SPRED1: variants seen among roughly 807,000 people sequenced by gnomAD.
SPRED1 encodes sprouty-related, EVH1 domain-containing protein 1.
Under a neutral mutation model 52.3 loss-of-function variants are expected in SPRED1, and 18 were observed. The ratio of observed to expected loss-of-function variants is 0.34; its 90% CI spans 0.24 to 0.51. SPRED1 has a LOEUF of 0.51. Ranked by LOEUF, SPRED1 falls within the 20% of genes least tolerant of loss-of-function variation. The probability of loss-of-function intolerance (pLI) is 0.97; values close to 1 mark genes in which losing one functional copy is unlikely to be tolerated. For missense variants in SPRED1, 485 were observed against 551.0 expected, an observed-to-expected ratio of 0.88 and a Z score of 1.20; for synonymous variants, 155 against 179.7, an observed-to-expected ratio of 0.86 and a Z score of 1.10.
chr15:38,310,020 A>G (rs1735061380), intron 2 of SPRED1, among the ~76,000 whole-genome samples: 1 of 152,124 alleles, frequency 6.6e-6, no homozygotes, highest in Admixed American at 6.5e-5. Flanking sequence ...TTCCTAATAC[A>G]GAGTAGAATG....
In SPRED1 at chr15:38,347,485, T is replaced by TC. The variant is rs1555392483; in HGVS notation, c.583-1936dup. Among the ~76,000 whole-genome samples the TC allele has an allele frequency of 1.9e-3, 174 of 94,044 alleles. 1 individual carries two copies. Among genetic ancestry groups the TC allele is most frequent in the African/African-American group, 6.1e-3 (161 of 26,476 alleles). 61.7% of individuals were successfully genotyped at this position (94,044 alleles called of 152,430 possible). A position where few individuals can be genotyped will look rare whatever the true frequency, so the allele number is the denominator to read the frequency against. On this transcript the variant is annotated intron_variant, in intron 5 of 6. Transcript: ENST00000299084. ...TCTTTTTTTTTTTTTTTTTTTTTTT[T>TC]CAATTTGGCTGTTTGCCCTTTTAAA...
chr15:38,268,161 G>C (rs546634517), intron 1 of SPRED1: 2 of 152,204 alleles, frequency 1.3e-5, no homozygotes, highest in South Asian at 4.1e-4. Context: ...AACATTTGCT[G>C]TCTCTACTCT....
chr15:38,267,680 G>A (rs1385608391), intron 1 of SPRED1, among the ~76,000 whole-genome samples: 2 of 152,128 alleles, frequency 1.3e-5, no homozygotes, highest in Admixed American at 1.3e-4. Flanking sequence ...AACCATGTAA[G>A]TGTTTGTTAT....
Position 38,261,893 on chromosome 15 carries a change from A to G in SPRED1, c.32+8676A>G, listed in dbSNP as rs201383572. ...CGTGGCAGGATTGCCAAAAATTTAG[A>G]TAAAATTTAGTGAGTTGTGTCTTTT... On this transcript the variant is annotated intron_variant, in intron 1 of 6. Transcript: ENST00000299084. Among the ~76,000 whole-genome samples, 7 of 152,174 alleles carry G rather than the reference A, an allele frequency of 4.6e-5. No homozygotes were observed. In the East Asian group the frequency reaches 1.3e-3, roughly 29 times the overall value.
At position 38,299,393 on chromosome 15, in the gene SPRED1, G is replaced by A. The variant is rs758855467; in HGVS notation, c.53G>A (p.Arg18Gln). 8 of 1,613,694 alleles carry A rather than the reference G, an allele frequency of 5.0e-6. No individual in the cohort carries two copies. The highest frequency in any genetic ancestry group is 5.9e-6 in the Non-Finnish European group (7 of 1,179,868). The change falls in exon 2 of 7, where the codon CGA becomes CAA. Residue 18 changes from arginine to glutamine, a missense_variant. By Grantham distance (43) the Arg-to-Gln change is conservative. This residue lies in a region of SPRED1 where 34 missense variants were observed against 25.8 expected (regional missense o/e 1.32). Coordinates refer to ENST00000299084, the MANE Select transcript of SPRED1 (RefSeq NM_152594.3). The part of the protein sequence containing the change: ...SDNDNSYARV[R>Q]AVVMTRDDSS... ...TTTAGTAATAGTTATGCACGAGTGC[G>A]AGCTGTGGTGATGACCCGAGATGAC...
In SPRED1 at chr15:38,299,556, T is replaced by C; in HGVS notation, c.207+9T>C. On this transcript the variant is annotated intron_variant, in intron 2 of 6. Coordinates refer to ENST00000299084, the MANE Select transcript of SPRED1 (RefSeq NM_152594.3). ...GACTCAGGGACAAAATGGTAATGAA[T>C]AATGTATCTAATACTATAATTTTAG... The C allele has an allele frequency of 6.2e-7, 1 of 1,610,100 alleles. No individual in the cohort carries two copies. Among genetic ancestry groups the C allele is most frequent in the Non-Finnish European group, 8.5e-7 (1 of 1,176,556 alleles).
chr15:38,318,696 G>A (rs887495198), intron 2 of SPRED1, among the ~76,000 whole-genome samples: 6 of 151,998 alleles, frequency 3.9e-5, no homozygotes, highest in Non-Finnish European at 8.8e-5. Context: ...TTTGGCTTTC[G>A]GTTCCTACAT....
chr15:38,291,619 G>C (rs1336513714), intron 1 of SPRED1, among the ~76,000 whole-genome samples: 1 of 152,186 alleles, frequency 6.6e-6, no homozygotes, highest in Non-Finnish European at 1.5e-5. Context: ...CTTGACTTCT[G>C]TGCACCCACA....
At chr15:38,336,929 A>G (rs569946397) in intron 4 of SPRED1, among the ~76,000 whole-genome samples, 152 of 152,284 alleles carry the variant, frequency 1.0e-3, no homozygotes, top group African/African-American at 3.4e-3. Flanking sequence ...CAAAAAAACT[A>G]GTGAAATAAA....
chr15:38,259,446 G>GT (rs1455585032), intron 1 of SPRED1, among the ~76,000 whole-genome samples: 2 of 152,062 alleles, frequency 1.3e-5, no homozygotes, highest in Admixed American at 1.3e-4. Flanking sequence ...TGGTGATCGG[G>GT]TCCTGCCCAG....
rs577839722 is a variant in SPRED1, at chr15:38,301,789, A to G, written c.207+2242A>G. 3.5e-4 allele frequency among the ~76,000 whole-genome samples: 53 copies of G among 152,282 alleles called. 1 individual carries two copies. In the South Asian group the frequency reaches 0.011, roughly 30 times the overall value. On this transcript the variant is annotated intron_variant, in intron 2 of 6. Coordinates refer to ENST00000299084, the MANE Select transcript of SPRED1 (RefSeq NM_152594.3). ...ATATCACTGCATTTTGAGATCACTA[A>G]TGTTCATTTCTGTAGTCATTGATTT...
chr15:38,306,648 A>AG (rs1895254397), intron 2 of SPRED1, among the ~76,000 whole-genome samples: 1 of 152,154 alleles, frequency 6.6e-6, no homozygotes, highest in Non-Finnish European at 1.5e-5. Context: ...TACCTTGAAG[A>AG]GGGGGAAGAA....
intron 1 of SPRED1, among the ~76,000 whole-genome samples, chr15:38,289,493 C>T (rs1328053747): frequency 2.0e-5 from 3 of 151,970 alleles, no homozygotes; most frequent in East Asian, 3.9e-4. Flanking sequence ...CCCTAATCTC[C>T]AGAACCTGTG....
chr15:38,341,133 C>T (rs1050302018), intron 5 of SPRED1, among the ~76,000 whole-genome samples: 7 of 151,572 alleles, frequency 4.6e-5, no homozygotes, highest in Admixed American at 2.0e-4. Context: ...CTGTTTCATC[C>T]AGATTTTCAA....
chr15:38,279,479 AG>A (rs1894639915), intron 1 of SPRED1, among the ~76,000 whole-genome samples: 1 of 152,208 alleles, frequency 6.6e-6, no homozygotes, highest in Admixed American at 6.5e-5. Context: ...CAATCAAAAG[AG>A]GATGTGTGTA....
intron 1 of SPRED1, among the ~76,000 whole-genome samples, chr15:38,260,343 C>T (rs1894181591): frequency 6.6e-6 from 1 of 152,156 alleles, no homozygotes. Context: ...GGTGTTCTCC[C>T]TGTGTGTTTC....
In SPRED1 at chr15:38,339,998, G is replaced by A. The variant is rs1378503574; in HGVS notation, c.582+103G>A. ...AACCATCTGCCCTTTACCAGACACA[G>A]TAAACAAACAAACAAAAACCCCACA... On this transcript the variant is annotated intron_variant, in intron 5 of 6. Transcript: ENST00000299084. 1.0e-5 allele frequency: 15 copies of A among 1,437,530 alleles called. No homozygotes were observed. The African/African-American group carries it at 2.1e-4, about 20-fold the overall frequency. The allele number at this position is 1,437,530 out of a possible 1,614,324, so 89.0% of individuals were successfully genotyped here. A position where few individuals can be genotyped will look rare whatever the true frequency, so the allele number is the denominator to read the frequency against.
chr15:38,282,338 CACACAT>C (rs1471693791), intron 1 of SPRED1, among the ~76,000 whole-genome samples: 1 of 50,396 alleles, frequency 2.0e-5, no homozygotes, highest in Middle Eastern at 9.6e-3. Flanking sequence ...CACACACACA[CACACAT>C]GCACACACAC....
intron 1 of SPRED1, among the ~76,000 whole-genome samples, chr15:38,274,201 T>G (rs1365054916): frequency 6.6e-6 from 1 of 152,084 alleles, no homozygotes; most frequent in Non-Finnish European, 1.5e-5. Context: ...CCCTTTAGAG[T>G]AGAAGTTTAA....
Sources: allele counts gnomAD v4.1 joint callset (sites outside exome capture counted in the v4.1 genomes callset), GRCh38; gene constraint gnomAD v4.1.1; regional missense constraint gnomAD v4.1.1; transcripts MANE v1.5; gene names NCBI Gene and HGNC (gene_info 2026-07-23, HGNC 2026-07-21).